Variants in FAM83A observed in about 807,000 individuals in gnomAD.
The protein encoded by FAM83A is protein FAM83A.
A neutral mutation model predicts 24.4 loss-of-function variants in FAM83A; 21 were observed. That is an observed-to-expected ratio of 0.86 (90% confidence interval 0.61 to 1.24). The LOEUF (loss-of-function observed/expected upper bound fraction) is 1.24. FAM83A is among the 50% of genes most tolerant of loss of function. The probability of loss-of-function intolerance (pLI) is 0.00; values close to 1 mark genes in which losing one functional copy is unlikely to be tolerated. For synonymous variants in FAM83A, 270 were observed against 252.4 expected, an observed-to-expected ratio of 1.07 and a Z score of -0.66; for missense variants, 617 against 579.8, an observed-to-expected ratio of 1.06 and a Z score of -0.66.
chr8:123,207,482 C>A (rs1166596805), exon 4 of FAM83A: 7 of 1,585,950 alleles, frequency 4.4e-6, no homozygotes, highest in East Asian at 2.3e-5. Context: ...GCCTCCACCG[C>A]CCCGGTTCCA....
intron 1 of FAM83A, 135 bp from the exon 2 acceptor site, chr8:123,191,668 C>T: frequency 1.1e-6 from 1 of 900,682 alleles, no homozygotes; most frequent in Non-Finnish European, 1.8e-6. Context: ...GTCAGACCCA[C>T]TCTACCCCAT....
In FAM83A at chr8:123,182,757, G is replaced by A; in HGVS notation, c.-100G>A. The A allele has an allele frequency of 5.4e-6, 8 of 1,481,072 alleles. No individual in the cohort carries two copies. Among genetic ancestry groups the A allele is most frequent in the African/African-American group, 1.4e-5 (1 of 71,864 alleles). The allele number at this position is 1,481,072 out of a possible 1,614,324, so 91.7% of individuals were successfully genotyped here. On this transcript the variant is annotated 5_prime_UTR_variant, in exon 1 of 4. It adds an upstream start codon to the 5' untranslated region. Coordinates refer to ENST00000690554, the Ensembl canonical transcript of FAM83A. ...CCTGGGAGCAGGCGGCCTCCCGGGG[G>A]TGCGGGAGCCCCACTCCTCCGTGGT...
At chr8:123,205,444 G>T (rs1258768854) in intron 3 of FAM83A, among the ~76,000 whole-genome samples, 1 of 152,260 alleles carries the variant, frequency 6.6e-6, no homozygotes, top group African/African-American at 2.4e-5. Context: ...CTCTCTGGGG[G>T]TGTGGGTGGT....
intron 3 of FAM83A, among the ~76,000 whole-genome samples, chr8:123,196,472 G>A (rs889938036): frequency 6.6e-6 from 1 of 152,054 alleles, no homozygotes; most frequent in Non-Finnish European, 1.5e-5. Flanking sequence ...GAATGGAGAG[G>A]TTTTCATATT....
chr8:123,199,308 G>GA (rs2131091704), intron 3 of FAM83A, among the ~76,000 whole-genome samples: 1 of 152,334 alleles, frequency 6.6e-6, no homozygotes, highest in Admixed American at 6.5e-5. Context: ...GGGTCTGTTT[G>GA]AAAAGGATTC....
At chr8:123,193,635 G>T (rs55724085) in intron 2 of FAM83A, among the ~76,000 whole-genome samples, 27,567 of 152,140 alleles carry the variant, frequency 0.18, 2,684 homozygotes, top group Admixed American at 0.24. Flanking sequence ...TATAACAGAA[G>T]TCCATAGACT....
In FAM83A at chr8:123,209,888, C is replaced by T. The variant is rs1303123160; in HGVS notation, c.*2200C>T. ...CCGGCGAGTGGAGCATGAGCAGAACCGCCGAGGGTCACTTCTGGGCAGAAG... is the reference window on the plus strand; with the variant it reads ...CCGGCGAGTGGAGCATGAGCAGAACTGCCGAGGGTCACTTCTGGGCAGAAG... On this transcript the variant is annotated 3_prime_UTR_variant, in exon 4 of 4. Transcript: ENST00000690554. This position sits in a 1 kb window ranked among gnomAD's most constrained non-coding sequence, Gnocchi z 4.7. 9 of 266,384 alleles carry T rather than the reference C, an allele frequency of 3.4e-5. No individual in the cohort carries two copies. In the East Asian group the frequency reaches 4.9e-4, roughly 15 times the overall value. The allele number at this position is 266,384 out of a possible 1,614,324, so 16.5% of individuals were successfully genotyped here. A position where few individuals can be genotyped will look rare whatever the true frequency, so the allele number is the denominator to read the frequency against.
At chr8:123,203,271 A>G (rs11991436) in intron 3 of FAM83A, among the ~76,000 whole-genome samples, 6,346 of 151,634 alleles carry the variant, frequency 0.042, 441 homozygotes, top group African/African-American at 0.15. Flanking sequence ...TGACTATATT[A>G]CAATTAAGAA....
intron 3 of FAM83A, chr8:123,202,649 G>C (rs1824401739): frequency 1.3e-5 from 2 of 152,524 alleles, no homozygotes; most frequent in African/African-American, 4.8e-5. Flanking sequence ...AAGCACATTG[G>C]GTTCTGACCA....
At position 123,208,304 on chromosome 8, in the gene FAM83A, T is replaced by A. The variant is rs535452889; in HGVS notation, c.*616T>A. Reference sequence around the variant, plus strand: ...CTATGAGTTGTATGGGGGAGCCATCTGAAGCTGTAGCCACCAGGGATGCAG... The same window carrying A: ...CTATGAGTTGTATGGGGGAGCCATCAGAAGCTGTAGCCACCAGGGATGCAG... On this transcript the variant is annotated 3_prime_UTR_variant, in exon 4 of 4. Coordinates refer to ENST00000690554, the Ensembl canonical transcript of FAM83A. The A allele has an allele frequency of 1.8e-3, 1,765 of 985,642 alleles. 4 individuals carry two copies. Among genetic ancestry groups the A allele is most frequent in the Non-Finnish European group, 2.0e-3 (1,667 of 830,082 alleles). 61.1% of individuals were successfully genotyped at this position (985,642 alleles called of 1,614,324 possible).
At chr8:123,192,049 C>T (rs1450114881) in intron 2 of FAM83A, 79 bp downstream of exon 2, 13 of 1,497,740 alleles carry the variant, frequency 8.7e-6, no homozygotes, top group Non-Finnish European at 1.2e-5. Flanking sequence ...ACAAATGTCC[C>T]TCATCTTGTG....
At chr8:123,203,219 A>G (rs1824417688) in intron 3 of FAM83A, among the ~76,000 whole-genome samples, 1 of 143,316 alleles carries the variant, frequency 7.0e-6, no homozygotes, top group East Asian at 2.0e-4. Context: ...ACATACACAC[A>G]TTAAAAAAAA....
At chr8:123,193,642 G>T (rs530979587) in intron 2 of FAM83A, among the ~76,000 whole-genome samples, 30 of 152,306 alleles carry the variant, frequency 2.0e-4, no homozygotes, top group African/African-American at 7.0e-4. Context: ...GAAGTCCATA[G>T]ACTGGTGGTT....
chr8:123,204,888 T>G (rs911703655), intron 3 of FAM83A, among the ~76,000 whole-genome samples: 1 of 151,958 alleles, frequency 6.6e-6, no homozygotes, highest in Admixed American at 6.6e-5. Flanking sequence ...CCGAGGCAAG[T>G]GGATCACAAG....
At chr8:123,194,299 G>A in intron 3 of FAM83A, 151 bp downstream of exon 3, 1 of 1,114,978 alleles carries the variant, frequency 9.0e-7, no homozygotes, top group Non-Finnish European at 1.3e-6. Context: ...CACATAGATG[G>A]GGTGAGAGGC....
At chr8:123,185,000 G>C (rs1823743433) in intron 1 of FAM83A, among the ~76,000 whole-genome samples, 1 of 152,200 alleles carries the variant, frequency 6.6e-6, no homozygotes, top group African/African-American at 2.4e-5. Flanking sequence ...AGGAGGGAGG[G>C]AGCAGAGTTC....
chr8:123,191,964 C>T (rs1823996583), exon 2 of FAM83A: 7 of 1,613,922 alleles, frequency 4.3e-6, no homozygotes, highest in Non-Finnish European at 5.9e-6. Flanking sequence ...CTGACAGTCA[C>T]CTCAAGGTAG....
chr8:123,186,513 T>C (rs939111583), intron 1 of FAM83A, among the ~76,000 whole-genome samples: 1 of 152,170 alleles, frequency 6.6e-6, no homozygotes, highest in Non-Finnish European at 1.5e-5. Flanking sequence ...AGGAATTCTC[T>C]TTCCTTCCCT....
chr8:123,205,751 C>T (rs1398858289), intron 3 of FAM83A, among the ~76,000 whole-genome samples: 3 of 152,128 alleles, frequency 2.0e-5, no homozygotes, highest in Non-Finnish European at 4.4e-5. Context: ...GCCTGCTGCT[C>T]TCGGGAGGTC....
Sources: gnomAD v4.1 joint callset for allele counts (sites outside exome capture counted in the v4.1 genomes callset) on GRCh38, gnomAD v4.1.1 for gene constraint, Gnocchi (gnomAD v3.1) non-coding constraint, MANE v1.5 for transcripts, NCBI Gene and HGNC (gene_info 2026-07-23, HGNC 2026-07-21) for gene names.